Variants in ADAMTS5 observed in about 807,000 individuals in gnomAD.
The protein encoded by ADAMTS5 is A disintegrin and metalloproteinase with thrombospondin motifs 5.
Under a neutral mutation model 81.4 loss-of-function variants are expected in ADAMTS5, and 54 were observed. The ratio of observed to expected loss-of-function variants is 0.66; its 90% confidence interval spans 0.53 to 0.83. ADAMTS5 has a LOEUF of 0.83. ADAMTS5 is among the 40% of genes least tolerant of loss of function. The pLI, the probability that ADAMTS5 is intolerant of heterozygous loss-of-function variation, is 0.00. For synonymous variants in ADAMTS5, 532 were observed against 508.8 expected (o/e 1.05, Z -0.61); for missense variants, 1,194 against 1,229.9 (o/e 0.97, Z 0.44).
Position 26,963,641 on chromosome 21 carries a change from C to CAAAAAAAA in ADAMTS5, c.1104+1639_1104+1646dup, listed in dbSNP as rs533760778. 3.3e-4 allele frequency among the ~76,000 whole-genome samples: 10 copies of CAAAAAAAA among 30,020 alleles called. 1 individual carries two copies. The highest frequency in any genetic ancestry group is 4.2e-4 in the Non-Finnish European group (6 of 14,206). 19.7% of individuals were successfully genotyped at this position (30,020 alleles called of 152,430 possible). On this transcript the variant is annotated intron_variant, in intron 1 of 7. Coordinates refer to ENST00000284987, the MANE Select transcript of ADAMTS5 (RefSeq NM_007038.5). ...ACCCCAGACACGGAAAGTTGCTTAC[C>CAAAAAAAA]AAAAAAAAAAAAAAAAAAAAAAAAA... is the stretch of plus-strand genomic sequence containing the variant.
chr21:26,936,754 G>A (rs535962337), intron 3 of ADAMTS5, among the ~76,000 whole-genome samples: 3 of 152,174 alleles, frequency 2.0e-5, no homozygotes, highest in South Asian at 2.1e-4. Flanking sequence ...AGAAAAACAC[G>A]AACATCAAGC....
rs1986646279 is a variant in ADAMTS5, at chr21:26,919,424, A to G, written c.*4629T>C. ...GCAAAATTATTGCTAATGTGCAACTATATTAGTAGAATGCAATTAACTGGG... is the reference window on the plus strand; with the variant it reads ...GCAAAATTATTGCTAATGTGCAACTGTATTAGTAGAATGCAATTAACTGGG... On this transcript the variant is annotated 3_prime_UTR_variant, in exon 8 of 8. Transcript: ENST00000284987. 6.6e-6 allele frequency: 1 copy of G among 151,948 alleles called. No individual in the cohort carries two copies. Among genetic ancestry groups the G allele is most frequent in the Non-Finnish European group, 1.5e-5 (1 of 67,928 alleles). 9.4% of individuals were successfully genotyped at this position (151,948 alleles called of 1,614,324 possible).
In ADAMTS5 at chr21:26,920,895, G is replaced by A. The variant is rs548577597; in HGVS notation, c.*3158C>T. On this transcript the variant is annotated 3_prime_UTR_variant, in exon 8 of 8. Transcript: ENST00000284987. ...TGATAGTATCAGAATAAGAATACAT[G>A]AGGAATATATACATATACACCTGCT... The A allele has an allele frequency of 6.6e-6, 1 of 152,400 alleles. No homozygotes were observed. Among genetic ancestry groups the A allele is most frequent in the South Asian group, 2.1e-4 (1 of 4,812 alleles). 9.4% of individuals were successfully genotyped at this position (152,400 alleles called of 1,614,324 possible).
intron 7 of ADAMTS5, among the ~76,000 whole-genome samples, chr21:26,929,398 A>C (rs1210463435): frequency 1.3e-5 from 2 of 152,246 alleles, no homozygotes; most frequent in African/African-American, 4.8e-5. Context: ...ATTTCTTTAG[A>C]GAGTAGATAT....
intron 7 of ADAMTS5, among the ~76,000 whole-genome samples, chr21:26,926,235 C>G (rs758895372): frequency 6.6e-6 from 1 of 152,000 alleles, no homozygotes; most frequent in Non-Finnish European, 1.5e-5. Flanking sequence ...CACTCCAGCC[C>G]GAGTAACAGA....
At chr21:26,932,330 C>T in intron 5 of ADAMTS5, 151 bp from the exon 6 acceptor site, 1 of 749,204 alleles carries the variant, frequency 1.3e-6, no homozygotes, top group East Asian at 2.8e-5. Context: ...TGGATTTTAT[C>T]TATACATAGA....
At chr21:26,953,485 T>A (rs1987360264) in intron 2 of ADAMTS5, among the ~76,000 whole-genome samples, 1 of 152,242 alleles carries the variant, frequency 6.6e-6, no homozygotes, top group East Asian at 1.9e-4. Flanking sequence ...GCAATTACAC[T>A]GTACCTTGGA....
chr21:26,932,096 C>G lies in ADAMTS5; in HGVS notation c.1957G>C (p.Val653Leu), dbSNP rs1236935589. The stretch of plus-strand genomic sequence containing the variant: ...GGCAGGACACCTGCATATTTGGGAA[C>G]CCATTCCACAAAAGTTTTGACTCCT... The part of the protein sequence containing the change: ...AKGVKTFVEW[V>L]PKYAGVLPAD... Residue 653 changes from valine (V) to leucine (L), a missense_variant, in exon 6 of 8, where the codon GTT becomes CTT. Physicochemically the swap from Val to Leu is conservative, Grantham distance 32. This residue lies in a region of ADAMTS5 where 696 missense variants were observed against 817.6 expected (regional missense o/e 0.85). Transcript: ENST00000284987. The G allele has an allele frequency of 6.2e-7, 1 of 1,614,174 alleles. No individual in the cohort carries two copies. Among genetic ancestry groups the G allele is most frequent in the South Asian group, 1.1e-5 (1 of 91,068 alleles).
In ADAMTS5 at chr21:26,954,787, TCA is replaced by T. The variant is rs774581783; in HGVS notation, c.1187_1188del (p.Val396AspfsTer2). The T allele has an allele frequency of 1.2e-5, 19 of 1,614,114 alleles. No homozygotes were observed. The highest frequency in any genetic ancestry group is 1.6e-5 in the Non-Finnish European group (19 of 1,179,998). ...TICSPERSCAVIEDDGLHAAF... is the reference protein window; with the variant it reads ...TICSPERSCAXIEDDGLHAAF... ...GCTGCGTGGAGGCCATCGTCTTCAA[TCA>T]CAGCACAGCTGCGCTCTGGAGAACA... On this transcript the variant is annotated frameshift_variant, in exon 2 of 8. Coordinates refer to ENST00000284987, the MANE Select transcript of ADAMTS5 (RefSeq NM_007038.5). LOFTEE classifies it high-confidence loss of function.
chr21:26,924,099 G>A lies in ADAMTS5; in HGVS notation c.2747C>T (p.Ser916Phe), dbSNP rs759204872. The A allele has an allele frequency of 6.2e-7, 1 of 1,610,796 alleles. No individual in the cohort carries two copies. Among genetic ancestry groups the A allele is most frequent in the Admixed American group, 1.7e-5 (1 of 59,954 alleles). The change falls in exon 8 of 8, where the codon TCC becomes TTC. Residue 916 changes from serine to phenylalanine, a missense_variant. Physicochemically the swap from Ser to Phe is radical, Grantham distance 155. Coordinates refer to ENST00000284987, the MANE Select transcript of ADAMTS5 (RefSeq NM_007038.5). ...TTGCTTAAACGCAGAAGGCCTTTGG[G>A]AGAGAGGACATCCTTTTGCTAACTT... Reference protein sequence around the residue: ...NRKLAKGCPLSQRPSAFKQCL... With the variant: ...NRKLAKGCPLFQRPSAFKQCL...
Position 26,924,594 on chromosome 21 carries a change from A to G in ADAMTS5, c.2252T>C (p.Ile751Thr). ...TTTTATGTGGGTTGCCCCTTCAGGAATCCTCACCACGTCAGTGTAACCCTT... is the reference window on the plus strand; with the variant it reads ...TTTTATGTGGGTTGCCCCTTCAGGAGTCCTCACCACGTCAGTGTAACCCTT... ...KSKGYTDVVR[I>T]PEGATHIKVR... is the part of the protein sequence containing the mutation. The change falls in exon 8 of 8, where the codon ATT becomes ACT. Residue 751 changes from isoleucine to threonine, a missense_variant. By Grantham distance (89) the Ile-to-Thr change is moderately conservative. Transcript: ENST00000284987. 6.2e-7 allele frequency: 1 copy of G among 1,613,766 alleles called. No homozygotes were observed. Among genetic ancestry groups the G allele is most frequent in the Non-Finnish European group, 8.5e-7 (1 of 1,179,830 alleles).
chr21:26,939,073 A>G (rs1332435145), intron 3 of ADAMTS5, among the ~76,000 whole-genome samples: 1 of 152,136 alleles, frequency 6.6e-6, no homozygotes, highest in East Asian at 1.9e-4. Flanking sequence ...CTCAGCTTTT[A>G]GGTCTTTACT....
At chr21:26,946,159 G>T (rs1051833671) in intron 2 of ADAMTS5, among the ~76,000 whole-genome samples, 1 of 152,192 alleles carries the variant, frequency 6.6e-6, no homozygotes, top group East Asian at 1.9e-4. Context: ...TCAGGAGCTG[G>T]ACAGGATATG....
At chr21:26,933,743 T>C (rs553967110) in intron 4 of ADAMTS5, among the ~76,000 whole-genome samples, 3 of 152,288 alleles carry the variant, frequency 2.0e-5, no homozygotes, top group Admixed American at 6.5e-5. Flanking sequence ...GATCAGCTGC[T>C]TTGCTGAGGG....
rs1236560989 is a variant in ADAMTS5 at position 26,954,770 on chromosome 21, G to T, written c.1206C>A (p.Leu402=). ...RSCAVIEDDG[L]HAAFTVAHEI... is the part of the protein sequence containing the mutation. The stretch of plus-strand genomic sequence containing the variant: ...CGTGAGCCACAGTGAAGGCTGCGTG[G>T]AGGCCATCGTCTTCAATCACAGCAC... Residue 402 remains leucine, a synonymous_variant, in exon 2 of 8, where the codon CTC becomes CTA. Transcript: ENST00000284987. 2.5e-6 allele frequency: 4 copies of T among 1,614,098 alleles called. No individual in the cohort carries two copies. The highest frequency in any genetic ancestry group is 3.4e-6 in the Non-Finnish European group (4 of 1,179,974).
intron 3 of ADAMTS5, among the ~76,000 whole-genome samples, chr21:26,938,618 C>A (rs1382406766): frequency 1.3e-5 from 2 of 152,244 alleles, no homozygotes; most frequent in Admixed American, 1.3e-4. Flanking sequence ...CAACCTCCAT[C>A]TCCCAGATTC....
Position 26,918,030 on chromosome 21 carries a change from C to T in ADAMTS5, c.*6023G>A, listed in dbSNP as rs780912127. 4.1e-4 allele frequency: 62 copies of T among 152,326 alleles called. No homozygotes were observed. Among genetic ancestry groups the T allele is most frequent in the Non-Finnish European group, 7.2e-4 (49 of 67,870 alleles). 9.4% of individuals were successfully genotyped at this position (152,326 alleles called of 1,614,324 possible). A position where few individuals can be genotyped will look rare whatever the true frequency, so the allele number is the denominator to read the frequency against. ...ATGCTTTACAAAATAGGATATTGTT[C>T]CTCAATGAAAATATTACAGTATAGG... On this transcript the variant is annotated 3_prime_UTR_variant, in exon 8 of 8. Coordinates refer to ENST00000284987, the MANE Select transcript of ADAMTS5 (RefSeq NM_007038.5).
rs1220473300 is a variant in ADAMTS5 at position 26,924,601 on chromosome 21, C to A, written c.2245G>T (p.Val749Leu). The change falls in exon 8 of 8, where the codon GTG becomes TTG. Residue 749 changes from valine to leucine, a missense_variant. By Grantham distance (32) the Val-to-Leu change is conservative (BLOSUM62 1). Around this residue, in one of 2 missense-constraint regions of ADAMTS5, gnomAD observed 696 missense variants for 817.6 expected, o/e 0.85. Coordinates refer to ENST00000284987, the MANE Select transcript of ADAMTS5 (RefSeq NM_007038.5). ...TGGGTTGCCCCTTCAGGAATCCTCA[C>A]CACGTCAGTGTAACCCTTACTGGAA... Reference protein sequence around the residue: ...NKKSKGYTDVVRIPEGATHIK... With the variant: ...NKKSKGYTDVLRIPEGATHIK... The A allele has an allele frequency of 6.2e-7, 1 of 1,613,200 alleles. No individual in the cohort carries two copies.
intron 7 of ADAMTS5, among the ~76,000 whole-genome samples, chr21:26,925,359 A>T (rs1029113821): frequency 6.6e-6 from 1 of 152,164 alleles, no homozygotes; most frequent in East Asian, 1.9e-4. Context: ...TAAAAGGGGA[A>T]TTTTTTTAAA....
Sources: allele counts gnomAD v4.1 joint callset (sites outside exome capture counted in the v4.1 genomes callset), GRCh38; gene constraint gnomAD v4.1.1; regional missense constraint gnomAD v4.1.1; transcripts MANE v1.5; gene names NCBI Gene and HGNC (gene_info 2026-07-23, HGNC 2026-07-21).